The following NDUFAF6 variants were observed in gnomAD, a reference collection of about 807,000 sequenced individuals.
The protein encoded by NDUFAF6 is NADH:ubiquinone oxidoreductase complex assembly factor 6.
A neutral mutation model predicts 40.8 loss-of-function variants in NDUFAF6; 45 were observed. The observed-to-expected ratio is 1.10, with a 90% CI of 0.87 to 1.42. NDUFAF6 has a LOEUF of 1.42. Among genes scored for constraint, NDUFAF6 ranks in the 40% most tolerant of loss-of-function variants. NDUFAF6 has a pLI of 0.00. For missense variants in NDUFAF6, 435 were observed against 418.5 expected (o/e 1.04, Z -0.34); for synonymous variants, 185 against 155.9 (o/e 1.19, Z -1.39).
intron 2 of NDUFAF6, among the ~76,000 whole-genome samples, chr8:94,946,718 A>AAAAAAAAAAAAAAAAT: frequency 6.7e-6 from 1 of 149,676 alleles, no homozygotes; most frequent in Non-Finnish European, 1.5e-5. Flanking sequence ...AAAAAAAAAA[A>AAAAAAAAAAAAAAAAT]AAGACAGGCC....
chr8:95,006,336 C>T (rs1826978157), intron 2 of NDUFAF6, among the ~76,000 whole-genome samples: 1 of 119,960 alleles, frequency 8.3e-6, no homozygotes, highest in Non-Finnish European at 1.6e-5. Flanking sequence ...GCCTAGGCGA[C>T]AAGAGCAAGA....
chr8:95,112,842 A>C (rs1448343097), intron 4 of NDUFAF6, among the ~76,000 whole-genome samples: 1 of 152,222 alleles, frequency 6.6e-6, no homozygotes, highest in Non-Finnish European at 1.5e-5. Context: ...AACAAACAGC[A>C]CTAAGATTAA....
chr8:95,098,481 C>G (rs1809542387), upstream of NDUFAF6, among the ~76,000 whole-genome samples: 1 of 152,298 alleles, frequency 6.6e-6, no homozygotes, highest in East Asian at 1.9e-4. Context: ...GCCTGACCAA[C>G]ATGGTGAAAC....
chr8:94,939,935 G>A (rs2131364164), intron 1 of NDUFAF6: 1 of 1,614,200 alleles, frequency 6.2e-7, no homozygotes. Flanking sequence ...GTTATGCACA[G>A]CATAGACAGA....
At chr8:94,996,445 T>C (rs1388997341) in intron 2 of NDUFAF6, among the ~76,000 whole-genome samples, 3 of 152,202 alleles carry the variant, frequency 2.0e-5, no homozygotes, top group Non-Finnish European at 2.9e-5. Flanking sequence ...GACATATAAG[T>C]ATGAAAATGG....
At chr8:95,001,679 A>G (rs999988092) in intron 2 of NDUFAF6, among the ~76,000 whole-genome samples, 7 of 152,226 alleles carry the variant, frequency 4.6e-5, no homozygotes, top group African/African-American at 7.2e-5. Flanking sequence ...GGATTCTTGC[A>G]TAAACTTCTG....
At chr8:95,062,115 C>A (rs975873215), downstream of NDUFAF6, among the ~76,000 whole-genome samples, 1 of 151,300 alleles carries the variant, frequency 6.6e-6, no homozygotes, top group Admixed American at 6.6e-5. Flanking sequence ...CAAGCAAGAT[C>A]GCGCCACTGC....
intron 1 of NDUFAF6, chr8:94,896,812 G>A (rs1345071013): frequency 4.6e-5 from 7 of 152,226 alleles, no homozygotes; most frequent in African/African-American, 1.7e-4. Flanking sequence ...GCTTTGGGGC[G>A]GGCGAAGTCC....
At chr8:94,949,800 G>T (rs906401057) in intron 2 of NDUFAF6, among the ~76,000 whole-genome samples, 3 of 152,174 alleles carry the variant, frequency 2.0e-5, no homozygotes, top group Non-Finnish European at 4.4e-5. Context: ...GGCGCAGAAC[G>T]TTTTTTCCTG....
intron 1 of NDUFAF6, among the ~76,000 whole-genome samples, chr8:94,972,547 A>G (rs1048033675): frequency 6.6e-6 from 1 of 152,144 alleles, no homozygotes; most frequent in Non-Finnish European, 1.5e-5. Context: ...CCACAATGTG[A>G]TCTTTAAAAT....
intron 1 of NDUFAF6, among the ~76,000 whole-genome samples, chr8:94,980,696 A>G (rs893032940): frequency 3.4e-5 from 2 of 58,632 alleles, no homozygotes. Context: ...GGTGATCAGC[A>G]TGCCTTGGCC....
At chr8:94,899,338 C>A (rs1321902297) in intron 1 of NDUFAF6, among the ~76,000 whole-genome samples, 1 of 152,252 alleles carries the variant, frequency 6.6e-6, no homozygotes, top group African/African-American at 2.4e-5. Flanking sequence ...CCACAGAACA[C>A]ACTTTGAGAA....
chr8:94,986,511 A>G (rs1025545650), intron 2 of NDUFAF6, among the ~76,000 whole-genome samples: 1 of 152,240 alleles, frequency 6.6e-6, no homozygotes, highest in Admixed American at 6.5e-5. Context: ...ATCATTTTAA[A>G]CATAAAGAGA....
chr8:95,098,316 T>G (rs1010662135), upstream of NDUFAF6, among the ~76,000 whole-genome samples: 1 of 150,732 alleles, frequency 6.6e-6, no homozygotes, highest in African/African-American at 2.4e-5. Flanking sequence ...GTGGATCACC[T>G]GAGGTCAGGA....
At chr8:95,073,589 G>C (rs1321116341) in intron 9 of NDUFAF6, among the ~76,000 whole-genome samples, 1 of 152,116 alleles carries the variant, frequency 6.6e-6, no homozygotes, top group African/African-American at 2.4e-5. Context: ...TTCCGCAGGG[G>C]TCCTGCGAAC....
intron 2 of NDUFAF6, among the ~76,000 whole-genome samples, chr8:94,981,850 C>G (rs1310465437): frequency 1.3e-5 from 2 of 151,962 alleles, no homozygotes; most frequent in East Asian, 3.9e-4. Context: ...GGCGCTTGAG[C>G]CCAGGAGGTC....
At chr8:94,943,285 T>TG (rs949268970) in intron 1 of NDUFAF6, among the ~76,000 whole-genome samples, 66 of 152,266 alleles carry the variant, frequency 4.3e-4, no homozygotes, top group African/African-American at 1.4e-3. Flanking sequence ...GCCTAGGAGT[T>TG]GGAGACCAGC....
chr8:94,953,095 C>G (rs992014981), upstream of NDUFAF6, among the ~76,000 whole-genome samples: 2 of 152,184 alleles, frequency 1.3e-5, no homozygotes, highest in African/African-American at 4.8e-5. Context: ...CGCCTGTAAT[C>G]CCAGCACTTT....
At chr8:95,019,626 T>C (rs1401541664) in intron 2 of NDUFAF6, among the ~76,000 whole-genome samples, 8 of 152,076 alleles carry the variant, frequency 5.3e-5, no homozygotes, top group Admixed American at 4.6e-4. Flanking sequence ...CAATATAAGA[T>C]CATAGTGGAA....
Sources: allele counts gnomAD v4.1 joint callset (sites outside exome capture counted in the v4.1 genomes callset), GRCh38; gene constraint gnomAD v4.1.1; transcripts MANE v1.5; gene names NCBI Gene and HGNC (gene_info 2026-07-23, HGNC 2026-07-21).